The following MAP2K4 variants were observed in gnomAD, a reference collection of about 807,000 sequenced individuals.
The protein encoded by MAP2K4 is mitogen-activated protein kinase kinase 4.
Under a neutral mutation model 48.5 loss-of-function variants are expected in MAP2K4, and 4 were observed. The observed-to-expected ratio is 0.08, with a 90% confidence interval of 0.04 to 0.19. The LOEUF (loss-of-function observed/expected upper bound fraction) is 0.19. MAP2K4 is among the 10% of genes least tolerant of loss of function. The pLI is 1.00. For synonymous variants in MAP2K4, 166 were observed against 173.1 expected, an observed-to-expected ratio of 0.96 and a Z score of 0.32; for missense variants, 258 against 493.3, an observed-to-expected ratio of 0.52 and a Z score of 4.52.
intron 1 of MAP2K4, among the ~76,000 whole-genome samples, chr17:12,030,417 A>C (rs925625035): frequency 1.3e-5 from 2 of 152,202 alleles, no homozygotes; most frequent in African/African-American, 2.4e-5. Flanking sequence ...TTAGATACAA[A>C]GAACAAGTCT....
At chr17:12,098,407 G>C (rs1437942066) in intron 4 of MAP2K4, among the ~76,000 whole-genome samples, 1 of 151,670 alleles carries the variant, frequency 6.6e-6, no homozygotes, top group South Asian at 2.1e-4. Flanking sequence ...GAATCCAGGA[G>C]GCGGAGGTTG....
In MAP2K4 at chr17:12,143,615, T is replaced by C; in HGVS notation, c.*2355T>C. On this transcript the variant is annotated 3_prime_UTR_variant, in exon 11 of 11. Transcript: ENST00000353533. Reference sequence around the variant, plus strand: ...CTTGGAGCTTTGGAATATTTTATCCTGTATTCTTGTTTGAATTCCTCCTCT... The same window carrying C: ...CTTGGAGCTTTGGAATATTTTATCCCGTATTCTTGTTTGAATTCCTCCTCT... The C allele has an allele frequency of 4.3e-6, 1 of 230,966 alleles. No homozygotes were observed. The highest frequency in any genetic ancestry group is 5.6e-5 in the Admixed American group (1 of 17,728). 14.3% of individuals were successfully genotyped at this position (230,966 alleles called of 1,614,324 possible). A position where few individuals can be genotyped will look rare whatever the true frequency, so the allele number is the denominator to read the frequency against.
chr17:12,094,694 CTG>C (rs1171836244), intron 3 of MAP2K4, among the ~76,000 whole-genome samples: 1 of 151,760 alleles, frequency 6.6e-6, no homozygotes, highest in Non-Finnish European at 1.5e-5. Flanking sequence ...CCCAACACCT[CTG>C]TGTTCTATAC....
At chr17:12,125,606 A>G (rs1256230690) in intron 8 of MAP2K4, among the ~76,000 whole-genome samples, 2 of 152,090 alleles carry the variant, frequency 1.3e-5, no homozygotes, top group Non-Finnish European at 2.9e-5. Context: ...TTTTAACTGG[A>G]TCTCTTGGCC....
At chr17:12,032,939 G>A (rs954045940) in intron 1 of MAP2K4, among the ~76,000 whole-genome samples, 7 of 152,180 alleles carry the variant, frequency 4.6e-5, no homozygotes, top group Non-Finnish European at 7.4e-5. Context: ...TCCCTCAAGC[G>A]ATCCTCCTGT....
At chr17:12,043,068 T>A (rs1280508232) in intron 1 of MAP2K4, among the ~76,000 whole-genome samples, 1 of 152,118 alleles carries the variant, frequency 6.6e-6, no homozygotes, top group African/African-American at 2.4e-5. Context: ...AAGATGTTCT[T>A]GAAGTCAGGA....
At chr17:12,030,787 T>G (rs1382391482) in intron 1 of MAP2K4, among the ~76,000 whole-genome samples, 1 of 152,200 alleles carries the variant, frequency 6.6e-6, no homozygotes, top group African/African-American at 2.4e-5. Flanking sequence ...TCTTTCTTTT[T>G]GCTACCTAGT....
At chr17:12,124,279 G>T (rs28923232) in intron 7 of MAP2K4, 1 of 152,106 alleles carries the variant, frequency 6.6e-6, no homozygotes, top group Non-Finnish European at 1.5e-5. Flanking sequence ...GTGCCAACAG[G>T]ACCCTCTCTC....
chr17:12,095,837 A>G, intron 4 of MAP2K4, 143 bp downstream of exon 4: 2 of 1,039,004 alleles, frequency 1.9e-6, no homozygotes, highest in Non-Finnish European at 2.8e-6. Context: ...ATGGTAATTT[A>G]CATATTAACT....
At chr17:12,076,279 C>CTT (rs766558477) in intron 2 of MAP2K4, among the ~76,000 whole-genome samples, 7 of 135,174 alleles carry the variant, frequency 5.2e-5, no homozygotes, top group African/African-American at 1.4e-4. Flanking sequence ...TGTCACAGTT[C>CTT]TGTGTGTGTG....
At chr17:12,082,994 G>A (rs765236494) in intron 3 of MAP2K4, among the ~76,000 whole-genome samples, 1 of 152,194 alleles carries the variant, frequency 6.6e-6, no homozygotes, top group Non-Finnish European at 1.5e-5. Context: ...CTACCTGTGT[G>A]TGACATCCAG....
chr17:12,094,412 A>C (rs1173983977), intron 3 of MAP2K4, among the ~76,000 whole-genome samples: 1 of 152,206 alleles, frequency 6.6e-6, no homozygotes, highest in African/African-American at 2.4e-5. Context: ...TTTCTGTAAA[A>C]TGGGCTCAAG....
intron 2 of MAP2K4, among the ~76,000 whole-genome samples, chr17:12,080,357 T>G (rs1971150932): frequency 6.6e-6 from 1 of 152,230 alleles, no homozygotes; most frequent in African/African-American, 2.4e-5. Flanking sequence ...TCTTTCATTG[T>G]GTGTATGGTT....
At chr17:12,027,702 C>G (rs1969302155) in intron 1 of MAP2K4, among the ~76,000 whole-genome samples, 1 of 152,078 alleles carries the variant, frequency 6.6e-6, no homozygotes, top group African/African-American at 2.4e-5. Context: ...TGGTTATGTG[C>G]CTGTCATGGG....
At chr17:12,038,188 C>T (rs1468014212) in intron 1 of MAP2K4, among the ~76,000 whole-genome samples, 1 of 152,228 alleles carries the variant, frequency 6.6e-6, no homozygotes, top group East Asian at 1.9e-4. Context: ...GTATTCCCAA[C>T]TGAATCCAGT....
In MAP2K4 at chr17:12,057,726, G is replaced by C. The variant is rs141709263; in HGVS notation, c.218+2735G>C. On this transcript the variant is annotated intron_variant, in intron 2 of 10. Coordinates refer to ENST00000353533, the MANE Select transcript of MAP2K4 (RefSeq NM_003010.4). ...AAAAAAAAATGTGTTCCGTCTCATT[G>C]TTTTCTTACTCTGTATCCTGGGAGA... Among the ~76,000 whole-genome samples the C allele has an allele frequency of 6.8e-4, 103 of 152,030 alleles. 1 individual carries two copies. The East Asian group carries it at 0.018, about 27-fold the overall frequency.
chr17:12,034,268 C>T (rs191619231), intron 1 of MAP2K4, among the ~76,000 whole-genome samples: 399 of 152,250 alleles, frequency 2.6e-3, no homozygotes, highest in South Asian at 4.4e-3. Flanking sequence ...CTGTTTTTGT[C>T]ATTATAGAAA....
At chr17:12,061,156 C>G (rs1465163076) in intron 2 of MAP2K4, among the ~76,000 whole-genome samples, 6 of 152,142 alleles carry the variant, frequency 3.9e-5, no homozygotes, top group Non-Finnish European at 7.4e-5. Flanking sequence ...CTCCACCCTT[C>G]TTTTTAAGGG....
chr17:12,106,290 T>C (rs1177888645), intron 4 of MAP2K4, among the ~76,000 whole-genome samples: 1 of 152,154 alleles, frequency 6.6e-6, no homozygotes, highest in African/African-American at 2.4e-5. Flanking sequence ...CGATCTTTCA[T>C]GATAGCCATT....
Sources: allele counts gnomAD v4.1 joint callset (sites outside exome capture counted in the v4.1 genomes callset), GRCh38; gene constraint gnomAD v4.1.1; transcripts MANE v1.5; gene names NCBI Gene and HGNC (gene_info 2026-07-23, HGNC 2026-07-21).